The following RBFOX1 variants were observed in gnomAD, a reference collection of about 807,000 sequenced individuals.
RBFOX1 encodes RNA binding protein fox-1 homolog 1.
A neutral mutation model predicts 57.7 loss-of-function variants in RBFOX1; 8 were observed. That is an observed-to-expected ratio of 0.14 (90% CI 0.08 to 0.25). RBFOX1 has a LOEUF of 0.25. Among genes scored for constraint, RBFOX1 ranks in the 10% least tolerant of loss-of-function variants. The pLI is 1.00. For missense variants in RBFOX1, 611 were observed against 548.5 expected (o/e 1.11, Z -1.14); for synonymous variants, 326 against 222.4 (o/e 1.47, Z -4.15).
chr16:7,302,981 G>C (rs1316081175), intron 4 of RBFOX1, among the ~76,000 whole-genome samples: 1 of 152,184 alleles, frequency 6.6e-6, no homozygotes. Context: ...ATTGTAATTT[G>C]CTCCCTGCAG....
chr16:7,709,649 C>A, intron 15 of RBFOX1: 5 of 1,526,150 alleles, frequency 3.3e-6, no homozygotes, highest in Non-Finnish European at 4.4e-6. Context: ...TAGAGAGGGG[C>A]ACACTTTGTG....
At chr16:7,250,906 G>A (rs1393316664) in intron 4 of RBFOX1, among the ~76,000 whole-genome samples, 2 of 152,092 alleles carry the variant, frequency 1.3e-5, no homozygotes, top group South Asian at 2.1e-4. Flanking sequence ...GACAAAGATG[G>A]TATACATTTA....
At chr16:5,375,664 A>G (rs1161597881) in intron 1 of RBFOX1, among the ~76,000 whole-genome samples, 1 of 152,198 alleles carries the variant, frequency 6.6e-6, no homozygotes, top group Non-Finnish European at 1.5e-5. Context: ...AGCACCAACT[A>G]TGTGCCAGGC....
Position 6,712,576 on chromosome 16 carries a change from A to G in RBFOX1, c.-16+57926A>G, listed in dbSNP as rs542426400. Among the ~76,000 whole-genome samples, 12 of 152,234 alleles carry G rather than the reference A, an allele frequency of 7.9e-5. No homozygotes were observed. The South Asian group carries it at 1.9e-3, about 24-fold the overall frequency. On this transcript the variant is annotated intron_variant, in intron 3 of 15. Coordinates refer to ENST00000550418, the MANE Select transcript of RBFOX1 (RefSeq NM_018723.4). ...AACTCAACACCCAAGCTTCAGTCCA[A>G]TGTCATCCATGGCAAGATAATATAA...
At chr16:5,770,324 T>G (rs1015804011) in intron 3 of RBFOX1, among the ~76,000 whole-genome samples, 7 of 152,216 alleles carry the variant, frequency 4.6e-5, no homozygotes, top group African/African-American at 1.7e-4. Context: ...CACTGCTCTT[T>G]GTATGCATTA....
At chr16:7,282,635 A>C (rs1175177304) in intron 4 of RBFOX1, among the ~76,000 whole-genome samples, 1 of 151,750 alleles carries the variant, frequency 6.6e-6, no homozygotes, top group African/African-American at 2.4e-5. Flanking sequence ...GTTTGATTTC[A>C]TAAGTTCTTC....
At chr16:6,025,154 A>G (rs1596472356) in intron 1 of RBFOX1, among the ~76,000 whole-genome samples, 2 of 152,184 alleles carry the variant, frequency 1.3e-5, no homozygotes, top group African/African-American at 4.8e-5. Context: ...TGTTTTTGAG[A>G]TGAGTGAATA....
chr16:6,808,320 T>C (rs963935273), intron 3 of RBFOX1, among the ~76,000 whole-genome samples: 1 of 152,016 alleles, frequency 6.6e-6, no homozygotes, highest in East Asian at 1.9e-4. Flanking sequence ...ACCCCACCAC[T>C]GATTCCCATC....
rs537283624 is a variant in RBFOX1, at chr16:7,504,601, G to C, written c.28-13546G>C. On this transcript the variant is annotated intron_variant, in intron 4 of 15. Transcript: ENST00000550418. ...TTGTTGCCGAAAGACTTAGATATGA[G>C]GTCTGGATTTGCACTTATTCACTTC... is the stretch of plus-strand genomic sequence containing the variant. Among the ~76,000 whole-genome samples, 5 of 148,118 alleles carry C rather than the reference G, an allele frequency of 3.4e-5. No individual in the cohort carries two copies. In the East Asian group the frequency reaches 1.0e-3, roughly 31 times the overall value.
intron 1 of RBFOX1, among the ~76,000 whole-genome samples, chr16:6,151,554 G>A (rs1428225169): frequency 6.6e-6 from 1 of 152,174 alleles, no homozygotes; most frequent in African/African-American, 2.4e-5. Flanking sequence ...CCAAAGTGCT[G>A]GGGTTACAGG....
intron 3 of RBFOX1, among the ~76,000 whole-genome samples, chr16:6,973,113 G>A (rs753969073): frequency 5.9e-5 from 9 of 151,828 alleles, no homozygotes; most frequent in South Asian, 4.2e-4. Context: ...CCTGGGTGAC[G>A]GAGCAAGACT....
chr16:6,733,164 C>G (rs570743415), intron 3 of RBFOX1, among the ~76,000 whole-genome samples: 1 of 152,086 alleles, frequency 6.6e-6, no homozygotes, highest in Non-Finnish European at 1.5e-5. Context: ...AACAGCCAAC[C>G]CCTCATCTCC....
intron 2 of RBFOX1, among the ~76,000 whole-genome samples, chr16:6,377,519 G>C (rs895480318): frequency 1.3e-5 from 2 of 152,188 alleles, no homozygotes; most frequent in African/African-American, 2.4e-5. Context: ...GCAAGTCTCA[G>C]CCTGGAGAAC....
chr16:6,685,802 C>G (rs960905003), intron 3 of RBFOX1, among the ~76,000 whole-genome samples: 10 of 152,134 alleles, frequency 6.6e-5, no homozygotes, highest in African/African-American at 1.7e-4. Flanking sequence ...ACAGCCTTCA[C>G]TCAATGTTGT....
intron 3 of RBFOX1, among the ~76,000 whole-genome samples, chr16:5,817,759 G>T (rs1284994379): frequency 2.0e-5 from 3 of 150,594 alleles, no homozygotes; most frequent in Non-Finnish European, 4.4e-5. Context: ...CAGTGGCGCA[G>T]TCTGGGCTCA....
At chr16:6,774,517 C>G (rs1434970960) in intron 3 of RBFOX1, among the ~76,000 whole-genome samples, 1 of 152,130 alleles carries the variant, frequency 6.6e-6, no homozygotes, top group Admixed American at 6.5e-5. Flanking sequence ...CATTGTCTTA[C>G]TTCTCTATGT....
chr16:7,527,912 A>C (rs1178900968), intron 5 of RBFOX1, among the ~76,000 whole-genome samples: 1 of 152,244 alleles, frequency 6.6e-6, no homozygotes, highest in Admixed American at 6.5e-5. Context: ...TCCCGTTTCA[A>C]GTGCCAAACT....
chr16:7,684,877 G>T (rs191159744), intron 14 of RBFOX1, among the ~76,000 whole-genome samples: 6 of 151,972 alleles, frequency 3.9e-5, no homozygotes, highest in Non-Finnish European at 8.8e-5. Context: ...CAGAATGATC[G>T]TTTCCCCACT....
intron 4 of RBFOX1, among the ~76,000 whole-genome samples, chr16:7,228,329 A>T (rs2093281207): frequency 1.3e-5 from 2 of 152,156 alleles, no homozygotes; most frequent in Non-Finnish European, 2.9e-5. Context: ...TTAGGAGGAA[A>T]ATCAAGGGTT....
Sources: allele counts gnomAD v4.1 joint callset (sites outside exome capture counted in the v4.1 genomes callset), GRCh38; gene constraint gnomAD v4.1.1; transcripts MANE v1.5; gene names NCBI Gene and HGNC (gene_info 2026-07-23, HGNC 2026-07-21).